The following IHO1 variants were observed in gnomAD, a reference collection of about 807,000 sequenced individuals.
IHO1 encodes interactor of HORMAD1 1.
IHO1 carries 13 observed loss-of-function variants against 31.0 expected under a neutral mutation model. The ratio of observed to expected loss-of-function variants is 0.42; its 90% CI spans 0.27 to 0.67. The LOEUF (loss-of-function observed/expected upper bound fraction) is 0.67, where lower values mean the gene tolerates loss of function less well. IHO1 is among the 30% of genes least tolerant of loss of function. The pLI, the probability that IHO1 is intolerant of heterozygous loss-of-function variation, is 0.24. For synonymous variants in IHO1, 221 were observed against 248.4 expected, an observed-to-expected ratio of 0.89 and a Z score of 1.04; for missense variants, 599 against 687.5, an observed-to-expected ratio of 0.87 and a Z score of 1.44.
chr3:49,227,106 G>A (rs1393058387), intron 2 of IHO1, among the ~76,000 whole-genome samples: 1 of 152,158 alleles, frequency 6.6e-6, no homozygotes, highest in African/African-American at 2.4e-5. Context: ...GCATAGTTGT[G>A]TATTCTCCTT....
intron 2 of IHO1, among the ~76,000 whole-genome samples, chr3:49,230,806 TC>T (rs1017681334): frequency 6.6e-6 from 1 of 152,160 alleles, no homozygotes; most frequent in African/African-American, 2.4e-5. Flanking sequence ...AAAATGACTT[TC>T]AAAAATTACT....
At chr3:49,233,177 G>C (rs1277670934) in intron 2 of IHO1, among the ~76,000 whole-genome samples, 1 of 152,154 alleles carries the variant, frequency 6.6e-6, no homozygotes, top group Non-Finnish European at 1.5e-5. Flanking sequence ...TGTTCAGCTG[G>C]TTTAAACAAA....
At chr3:49,196,484 A>AT (rs1365918445), upstream of IHO1, among the ~76,000 whole-genome samples, 25 of 129,018 alleles carry the variant, frequency 1.9e-4, no homozygotes, top group African/African-American at 7.1e-4. Flanking sequence ...ACGCCCGGCT[A>AT]TTTTTTTTCT....
In IHO1 at chr3:49,256,999, A is replaced by G. The variant is rs746563934; in HGVS notation, c.1502A>G (p.His501Arg). 1.2e-6 allele frequency: 2 copies of G among 1,614,080 alleles called. No homozygotes were observed. Among genetic ancestry groups the G allele is most frequent in the Admixed American group, 3.3e-5 (2 of 60,004 alleles). The change falls in exon 8 of 8, where the codon CAT becomes CGT. Residue 501 changes from histidine to arginine, a missense_variant. Transcript: ENST00000452691. The surrounding 1 kb of genome is among the most constrained non-coding windows in gnomAD (Gnocchi z 4.6). ...GQQEPRAQPL[H>R]LQCPRSPRKP... The stretch of plus-strand genomic sequence containing the variant: ...CAGGAACCCCGTGCTCAGCCTCTGC[A>G]TCTGCAGTGTCCCAGGAGCCCCAGA...
chr3:49,252,256 A>G (rs1250669898), intron 6 of IHO1: 2 of 156,712 alleles, frequency 1.3e-5, no homozygotes, highest in East Asian at 3.8e-4. Context: ...GTTGTTATCC[A>G]TTAGTGTTTG....
At chr3:49,227,911 C>T (rs1559445020) in intron 2 of IHO1, among the ~76,000 whole-genome samples, 1 of 152,110 alleles carries the variant, frequency 6.6e-6, no homozygotes, top group Non-Finnish European at 1.5e-5. Context: ...TCCAGATAGT[C>T]CCCCCTACGA....
chr3:49,192,464 T>C, the IHO1 span, among the ~76,000 whole-genome samples: 7 of 152,132 alleles, frequency 4.6e-5, no homozygotes, highest in Admixed American at 4.6e-4. Context: ...CAAAAGAAAT[T>C]GACAATCAGC....
intron 2 of IHO1, among the ~76,000 whole-genome samples, chr3:49,232,753 C>T (rs750151069): frequency 6.6e-6 from 1 of 152,162 alleles, no homozygotes; most frequent in Non-Finnish European, 1.5e-5. Context: ...GCAGGACAAC[C>T]AGTCACAATT....
chr3:49,213,036 C>T (rs1416383385), intron 2 of IHO1, among the ~76,000 whole-genome samples: 1 of 152,188 alleles, frequency 6.6e-6, no homozygotes, highest in Non-Finnish European at 1.5e-5. Context: ...TTCACAATCC[C>T]TGAGCTAGAC....
At chr3:49,210,713 T>G (rs75109662) in intron 1 of IHO1, among the ~76,000 whole-genome samples, 2 of 149,100 alleles carry the variant, frequency 1.3e-5, no homozygotes, top group Non-Finnish European at 3.0e-5. Context: ...TTTTTTTTTT[T>G]TGAGATGGGG....
intron 3 of IHO1, among the ~76,000 whole-genome samples, 187 bp downstream of exon 3, chr3:49,236,909 C>G (rs1326763424): frequency 2.0e-5 from 3 of 151,786 alleles, no homozygotes; most frequent in Admixed American, 2.0e-4. Context: ...TGGCAAAACC[C>G]CATCTCTACA....
intron 3 of IHO1, among the ~76,000 whole-genome samples, chr3:49,239,931 G>A (rs2046609510): frequency 6.6e-6 from 1 of 152,222 alleles, no homozygotes; most frequent in African/African-American, 2.4e-5. Context: ...AAAGTGCTGG[G>A]ATTATAGGCG....
chr3:49,249,053 T>A (rs914134494), intron 6 of IHO1, among the ~76,000 whole-genome samples: 1 of 152,146 alleles, frequency 6.6e-6, no homozygotes, highest in Non-Finnish European at 1.5e-5. Flanking sequence ...TGTTATGTAA[T>A]TGGTGCCTTC....
At chr3:49,244,596 T>C (rs1271233017) in intron 5 of IHO1, 50 bp from the exon 6 acceptor site, 5 of 1,512,132 alleles carry the variant, frequency 3.3e-6, no homozygotes, top group Non-Finnish European at 4.6e-6. Flanking sequence ...TCTAAGATAG[T>C]AGAATAAGGC....
upstream of IHO1, among the ~76,000 whole-genome samples, chr3:49,197,286 A>C (rs2046005033): frequency 6.6e-6 from 1 of 150,860 alleles, no homozygotes; most frequent in Non-Finnish European, 1.5e-5. Context: ...CACCATGCCC[A>C]GGCCATTTTT....
chr3:49,232,014 C>A (rs537371773), intron 2 of IHO1, among the ~76,000 whole-genome samples: 68 of 152,188 alleles, frequency 4.5e-4, no homozygotes, highest in Admixed American at 8.5e-4. Context: ...TGCGTGGACA[C>A]CTTTTCTTAC....
the IHO1 span, among the ~76,000 whole-genome samples, chr3:49,192,150 G>T: frequency 6.6e-6 from 1 of 152,206 alleles, no homozygotes; most frequent in African/African-American, 2.4e-5. Flanking sequence ...TATAAATTTA[G>T]AAAGCATTTC....
In IHO1 at chr3:49,249,301, C is replaced by T. The variant is rs1437192788; in HGVS notation, c.532+4568C>T. ...TTTTTTTTTTTTTGAGATGGAGTTT[C>T]GCTCTGTCACCCAGGCTGAAGTGCA... On this transcript the variant is annotated intron_variant, in intron 6 of 7. Coordinates refer to ENST00000452691, the MANE Select transcript of IHO1 (RefSeq NM_001135197.2). Among the ~76,000 whole-genome samples the T allele has an allele frequency of 5.3e-5, 8 of 150,274 alleles. No individual in the cohort carries two copies. In the East Asian group the frequency reaches 1.4e-3, roughly 26 times the overall value.
upstream of IHO1, among the ~76,000 whole-genome samples, chr3:49,194,889 C>T (rs1306019639): frequency 6.6e-6 from 1 of 151,466 alleles, no homozygotes; most frequent in Non-Finnish European, 1.5e-5. Flanking sequence ...GAATGAGACC[C>T]CGTCTCAAAT....
Sources: gnomAD v4.1 joint callset for allele counts (sites outside exome capture counted in the v4.1 genomes callset) on GRCh38, gnomAD v4.1.1 for gene constraint, Gnocchi (gnomAD v3.1) non-coding constraint, MANE v1.5 for transcripts, NCBI Gene and HGNC (gene_info 2026-07-23, HGNC 2026-07-21) for gene names.